The following CNTNAP2 variants were observed in gnomAD, a reference collection of about 807,000 sequenced individuals.
The protein encoded by CNTNAP2 is contactin-associated protein-like 2.
Under a neutral mutation model 155.2 loss-of-function variants are expected in CNTNAP2, and 98 were observed. The observed-to-expected ratio is 0.63, with a 90% CI of 0.54 to 0.75. CNTNAP2 has a LOEUF of 0.75. Ranked by LOEUF, CNTNAP2 falls within the 30% of genes least tolerant of loss-of-function variation. The pLI, the probability that CNTNAP2 is intolerant of heterozygous loss-of-function variation, is 0.00. For synonymous variants in CNTNAP2, 651 were observed against 631.2 expected (o/e 1.03, Z -0.47); for missense variants, 1,727 against 1,688.1 (o/e 1.02, Z -0.40).
chr7:147,824,962 T>A (rs1235047138), intron 13 of CNTNAP2, among the ~76,000 whole-genome samples: 1 of 152,116 alleles, frequency 6.6e-6, no homozygotes, highest in African/African-American at 2.4e-5. Flanking sequence ...AGTAGTGGAC[T>A]CAAGTAATGG....
At chr7:147,900,848 C>CTG (rs202112112) in intron 13 of CNTNAP2, among the ~76,000 whole-genome samples, 30,640 of 152,116 alleles carry the variant, frequency 0.2, 3,448 homozygotes, top group Middle Eastern at 0.28. Flanking sequence ...TCTCCCACTT[C>CTG]CAATATGTTC....
chr7:148,046,624 T>G (rs1173894656), intron 15 of CNTNAP2, among the ~76,000 whole-genome samples: 1 of 152,206 alleles, frequency 6.6e-6, no homozygotes, highest in African/African-American at 2.4e-5. Flanking sequence ...ATTGAAGTTT[T>G]TAAGCCTCTG....
chr7:148,284,539 G>C (rs1377136640), intron 21 of CNTNAP2, among the ~76,000 whole-genome samples: 2 of 150,152 alleles, frequency 1.3e-5, no homozygotes, highest in East Asian at 3.9e-4. Flanking sequence ...TAAGAGGAGA[G>C]TGGTTACTGC....
intron 8 of CNTNAP2, among the ~76,000 whole-genome samples, chr7:147,225,793 A>T (rs1368756357): frequency 3.9e-5 from 5 of 127,984 alleles, no homozygotes; most frequent in African/African-American, 1.5e-4. Context: ...GAAGGAAGGA[A>T]GGAAGGAAAG....
intron 2 of CNTNAP2, among the ~76,000 whole-genome samples, chr7:146,832,175 G>T (rs1210082217): frequency 1.3e-5 from 2 of 152,070 alleles, no homozygotes; most frequent in African/African-American, 4.8e-5. Flanking sequence ...GTTCATTTTA[G>T]CACTTATTAA....
intron 8 of CNTNAP2, among the ~76,000 whole-genome samples, chr7:147,266,577 A>G (rs1804616471): frequency 6.6e-6 from 1 of 152,214 alleles, no homozygotes; most frequent in Non-Finnish European, 1.5e-5. Context: ...GCAGCCTAAG[A>G]AAACTGCAGC....
intron 18 of CNTNAP2, among the ~76,000 whole-genome samples, chr7:148,200,307 A>G (rs1562992574): frequency 6.6e-6 from 1 of 152,232 alleles, no homozygotes; most frequent in Non-Finnish European, 1.5e-5. Flanking sequence ...ACAACATATT[A>G]TTAAAATTCA....
intron 3 of CNTNAP2, among the ~76,000 whole-genome samples, chr7:146,905,874 T>TCTC (rs1170162247): frequency 1.3e-5 from 2 of 151,948 alleles, no homozygotes; most frequent in Non-Finnish European, 2.9e-5. Context: ...TTTCTGGAAA[T>TCTC]CATCTGAGGT....
chr7:146,459,154 C>A (rs752266558), intron 1 of CNTNAP2, among the ~76,000 whole-genome samples: 9 of 152,172 alleles, frequency 5.9e-5, no homozygotes, highest in Non-Finnish European at 1.0e-4. Context: ...TTTACACCAT[C>A]TTTGCATGAC....
chr7:147,311,289 G>A (rs1471710729), intron 9 of CNTNAP2, among the ~76,000 whole-genome samples: 1 of 152,050 alleles, frequency 6.6e-6, no homozygotes, highest in East Asian at 1.9e-4. Context: ...AAGATTTATT[G>A]GGCAAGTACT....
At chr7:146,346,821 C>T (rs1794825490) in intron 1 of CNTNAP2, among the ~76,000 whole-genome samples, 2 of 152,150 alleles carry the variant, frequency 1.3e-5, no homozygotes, top group Admixed American at 1.3e-4. Context: ...ATGGGAAACC[C>T]ATCCCTGCTG....
chr7:147,319,861 C>T (rs543891036), intron 9 of CNTNAP2, among the ~76,000 whole-genome samples: 5 of 152,070 alleles, frequency 3.3e-5, no homozygotes, highest in Non-Finnish European at 7.4e-5. Context: ...TGTGGTTTCA[C>T]GAAGTATGAA....
chr7:147,585,303 A>G (rs1800595677), intron 12 of CNTNAP2, among the ~76,000 whole-genome samples: 1 of 151,860 alleles, frequency 6.6e-6, no homozygotes, highest in African/African-American at 2.4e-5. Flanking sequence ...ATACTGCACT[A>G]TTTAATATGC....
intron 16 of CNTNAP2, among the ~76,000 whole-genome samples, chr7:148,123,700 G>C (rs1399362750): frequency 4.7e-5 from 7 of 150,138 alleles, no homozygotes; most frequent in Admixed American, 1.3e-4. Context: ...GAAAGAGAAA[G>C]AGAGAAACAG....
intron 1 of CNTNAP2, among the ~76,000 whole-genome samples, chr7:146,247,711 G>T (rs1799684924): frequency 6.6e-6 from 1 of 152,136 alleles, no homozygotes; most frequent in South Asian, 2.1e-4. Flanking sequence ...TTTGTATTGG[G>T]GTCAAGTGGC....
intron 12 of CNTNAP2, among the ~76,000 whole-genome samples, chr7:147,575,132 T>G (rs1410803074): frequency 2.7e-5 from 4 of 150,386 alleles, no homozygotes; most frequent in African/African-American, 9.8e-5. Context: ...TGTGTGTGTG[T>G]GTGTGTGTGT....
chr7:146,391,691 T>C (rs1795546539), intron 1 of CNTNAP2, among the ~76,000 whole-genome samples: 1 of 152,158 alleles, frequency 6.6e-6, no homozygotes, highest in African/African-American at 2.4e-5. Flanking sequence ...TGTTCCCGCA[T>C]TAGTTTGCTA....
chr7:147,505,708 G>A (rs1341813402), intron 11 of CNTNAP2, among the ~76,000 whole-genome samples: 5 of 152,136 alleles, frequency 3.3e-5, no homozygotes, highest in Admixed American at 6.5e-5. Context: ...GGCCTTAAAC[G>A]CTGTAGTTCC....
chr7:148,243,548 A>C (rs764598503), intron 20 of CNTNAP2, among the ~76,000 whole-genome samples: 1 of 152,166 alleles, frequency 6.6e-6, no homozygotes, highest in Non-Finnish European at 1.5e-5. Flanking sequence ...GTCACATCTT[A>C]CGTGGATGGA....
Sources: allele counts gnomAD v4.1 joint callset (sites outside exome capture counted in the v4.1 genomes callset), GRCh38; gene constraint gnomAD v4.1.1; transcripts MANE v1.5; gene names NCBI Gene and HGNC (gene_info 2026-07-23, HGNC 2026-07-21).